The following PCDHGA4 variants were observed in gnomAD, a reference collection of about 807,000 sequenced individuals.
The protein encoded by PCDHGA4 is protocadherin gamma subfamily A, 4.
Under a neutral mutation model 54.6 loss-of-function variants are expected in PCDHGA4, and 38 were observed. The observed-to-expected ratio is 0.70, with a 90% CI of 0.54 to 0.91. The LOEUF (loss-of-function observed/expected upper bound fraction) is 0.91. PCDHGA4 is among the 40% of genes least tolerant of loss of function. The pLI, the probability that PCDHGA4 is intolerant of heterozygous loss-of-function variation, is 0.00. For missense variants in PCDHGA4, 1,298 were observed against 1,220.9 expected (o/e 1.06, Z -0.94); for synonymous variants, 511 against 512.9 (o/e 1.00, Z 0.05).
intron 1 of PCDHGA4, among the ~76,000 whole-genome samples, chr5:141,448,196 A>G (rs753761675): frequency 1.3e-5 from 2 of 152,176 alleles, no homozygotes; most frequent in Non-Finnish European, 2.9e-5. Context: ...TACACTTACA[A>G]ACATTTTCTG....
Position 141,491,906 on chromosome 5 carries a change from T to A in PCDHGA4, c.2515-2901T>A, listed in dbSNP as rs1490050332. On this transcript the variant is annotated intron_variant, in intron 1 of 3. Transcript: ENST00000571252. The surrounding 1 kb of genome is among the most constrained non-coding windows in gnomAD (Gnocchi z 6.9). ...ATGGGGCTCCGAGCACCGGGGGTGG[T>A]GGCGACTGTGGGCGAGGGGAGGTGG... is the stretch of plus-strand genomic sequence containing the variant. 7.1e-7 allele frequency: 1 copy of A among 1,414,468 alleles called. No individual in the cohort carries two copies. Among genetic ancestry groups the A allele is most frequent in the African/African-American group, 1.4e-5 (1 of 69,002 alleles). 87.6% of individuals were successfully genotyped at this position (1,414,468 alleles called of 1,614,324 possible).
chr5:141,400,734 G>T, intron 1 of PCDHGA4: 1 of 634,546 alleles, frequency 1.6e-6, no homozygotes, highest in Non-Finnish European at 2.7e-6. Context: ...AAAGTAGTGA[G>T]AGTTTGCTCT....
At chr5:141,459,846 A>G (rs945742948) in intron 1 of PCDHGA4, among the ~76,000 whole-genome samples, 1 of 152,170 alleles carries the variant, frequency 6.6e-6, no homozygotes, top group Admixed American at 6.5e-5. Context: ...CTATTTGTAT[A>G]TCTTCTTGAA....
intron 1 of PCDHGA4, chr5:141,389,206 G>A: frequency 6.2e-7 from 1 of 1,614,014 alleles, no homozygotes; most frequent in Non-Finnish European, 8.5e-7. Context: ...CTGCACATTG[G>A]TGATGTAAAT....
rs866878519 is a variant in PCDHGA4, at chr5:141,486,035, C to A, written c.2515-8772C>A. ...TTATTTCAGTGGTCATACCCCTGAT[C>A]GTGTAAGAAACCTCTTTAGCCTGCA... is the stretch of plus-strand genomic sequence containing the variant. On this transcript the variant is annotated intron_variant, in intron 1 of 3. Coordinates refer to ENST00000571252, the MANE Select transcript of PCDHGA4 (RefSeq NM_018917.4). This position sits in a 1 kb window ranked among gnomAD's most constrained non-coding sequence, Gnocchi z 5.0. The A allele has an allele frequency of 1.9e-6, 3 of 1,614,100 alleles. No homozygotes were observed. The East Asian group carries it at 6.7e-5, about 36-fold the overall frequency.
chr5:141,421,424 G>T lies in PCDHGA4; in HGVS notation c.2514+63803G>T, dbSNP rs369037131. 2.2e-5 allele frequency: 35 copies of T among 1,613,974 alleles called. No individual in the cohort carries two copies. The African/African-American group carries it at 3.9e-4, about 18-fold the overall frequency. ...CGGGAGCTGGCGAAGCGCGGAGTCC[G>T]CATCGTCTCCAGAGGGAAGACACAG... is the stretch of plus-strand genomic sequence containing the variant. On this transcript the variant is annotated intron_variant, in intron 1 of 3. Transcript: ENST00000571252.
Position 141,489,267 on chromosome 5 carries a change from C to G in PCDHGA4, c.2515-5540C>G. 6.4e-7 allele frequency: 1 copy of G among 1,553,302 alleles called. No homozygotes were observed. Among genetic ancestry groups the G allele is most frequent in the Non-Finnish European group, 8.7e-7 (1 of 1,149,864 alleles). The stretch of plus-strand genomic sequence containing the variant: ...TGGGGCCCAAGACACTCCCACAGCT[C>G]GCTGGGAAATGGCAAGTGCTGTGCA... On this transcript the variant is annotated intron_variant, in intron 1 of 3. Coordinates refer to ENST00000571252, the MANE Select transcript of PCDHGA4 (RefSeq NM_018917.4). The surrounding 1 kb of genome is among the most constrained non-coding windows in gnomAD (Gnocchi z 4.5).
chr5:141,371,136 A>C (rs775992488), intron 1 of PCDHGA4: 1 of 1,614,042 alleles, frequency 6.2e-7, no homozygotes, highest in Non-Finnish European at 8.5e-7. Context: ...GGACATGTAC[A>C]GGGTCAATGT....
At chr5:141,365,830 C>T in intron 1 of PCDHGA4, 6 of 1,613,946 alleles carry the variant, frequency 3.7e-6, no homozygotes, top group Non-Finnish European at 5.1e-6. Flanking sequence ...AGGGGGCGCC[C>T]TTGTCCTCCT....
At chr5:141,460,981 G>GTATA (rs1491204135) in intron 1 of PCDHGA4, among the ~76,000 whole-genome samples, 10 of 121,884 alleles carry the variant, frequency 8.2e-5, no homozygotes, top group African/African-American at 3.1e-4. Context: ...GTGTGTGTGT[G>GTATA]TGTATATATA....
At position 141,487,198 on chromosome 5, in the gene PCDHGA4, T is replaced by A; in HGVS notation, c.2515-7609T>A. The A allele has an allele frequency of 1.2e-6, 2 of 1,613,854 alleles. No individual in the cohort carries two copies. The highest frequency in any genetic ancestry group is 1.7e-6 in the Non-Finnish European group (2 of 1,179,722). ...AAGACACTCATCCAGTTGTCCCAGATCTTCGAGAATCTTCAGCTCCAAGGG... is the reference window on the plus strand; with the variant it reads ...AAGACACTCATCCAGTTGTCCCAGAACTTCGAGAATCTTCAGCTCCAAGGG... On this transcript the variant is annotated intron_variant, in intron 1 of 3. Transcript: ENST00000571252. The surrounding 1 kb of genome is among the most constrained non-coding windows in gnomAD (Gnocchi z 5.0).
At chr5:141,366,133 C>A (rs777240886) in intron 1 of PCDHGA4, 1 of 1,614,216 alleles carries the variant, frequency 6.2e-7, no homozygotes, top group East Asian at 2.2e-5. Flanking sequence ...CAGGCCAGAA[C>A]GCCTGGCTGT....
intron 1 of PCDHGA4, among the ~76,000 whole-genome samples, chr5:141,467,790 C>T (rs1321576171): frequency 6.6e-6 from 1 of 152,118 alleles, no homozygotes; most frequent in Non-Finnish European, 1.5e-5. Context: ...TCTCAAGTAG[C>T]TGGGACTACA....
intron 1 of PCDHGA4, chr5:141,412,090 T>C (rs1008718786): frequency 3.3e-5 from 5 of 152,218 alleles, no homozygotes; most frequent in Admixed American, 2.0e-4. Flanking sequence ...ACTGGGTTGA[T>C]GGGCACACAC....
chr5:141,369,965 TA>T (rs2149954345), intron 1 of PCDHGA4, among the ~76,000 whole-genome samples: 1 of 152,346 alleles, frequency 6.6e-6, no homozygotes, highest in African/African-American at 2.4e-5. Flanking sequence ...CTTTGACAAG[TA>T]AAAGGTACTT....
intron 1 of PCDHGA4, chr5:141,365,860 C>T (rs1422476891): frequency 6.2e-7 from 1 of 1,614,082 alleles, no homozygotes; most frequent in African/African-American, 1.3e-5. Context: ...TTAACTCTGA[C>T]ACCGGTGTCC....
At chr5:141,376,432 G>C (rs1402207776) in intron 1 of PCDHGA4, 6 of 1,614,084 alleles carry the variant, frequency 3.7e-6, no homozygotes, top group African/African-American at 1.3e-5. Flanking sequence ...TCAACCAGGA[G>C]AGCTATGAGA....
At chr5:141,506,563 C>T (rs925780739) in intron 3 of PCDHGA4, among the ~76,000 whole-genome samples, 2 of 152,062 alleles carry the variant, frequency 1.3e-5, no homozygotes, top group Non-Finnish European at 2.9e-5. Context: ...TAAACCCCCT[C>T]GGTTTCACTT....
At chr5:141,468,697 T>A (rs2099174099) in intron 1 of PCDHGA4, 1 of 151,646 alleles carries the variant, frequency 6.6e-6, no homozygotes, top group Non-Finnish European at 1.5e-5. Context: ...AAACCCCGTC[T>A]CTACTAAAAA....
Sources: allele counts gnomAD v4.1 joint callset (sites outside exome capture counted in the v4.1 genomes callset), GRCh38; gene constraint gnomAD v4.1.1; non-coding constraint Gnocchi (gnomAD v3.1); transcripts MANE v1.5; gene names NCBI Gene and HGNC (gene_info 2026-07-23, HGNC 2026-07-21).